Variants in SORCS3 observed in about 807,000 individuals in gnomAD.
The protein encoded by SORCS3 is sortilin related VPS10 domain containing receptor 3, also known as VPS10 domain-containing receptor SorCS3.
Under a neutral mutation model 146.3 loss-of-function variants are expected in SORCS3, and 57 were observed. That is an observed-to-expected ratio of 0.39 (90% CI 0.31 to 0.49). The LOEUF is 0.49. Among genes scored for constraint, SORCS3 ranks in the 20% least tolerant of loss-of-function variants. SORCS3 has a pLI of 0.92. For missense variants in SORCS3, 1,341 were observed against 1,575.5 expected, an observed-to-expected ratio of 0.85 and a Z score of 2.52; for synonymous variants, 653 against 618.5, an observed-to-expected ratio of 1.06 and a Z score of -0.83.
chr10:105,014,620 G>T (rs908675515), intron 4 of SORCS3, among the ~76,000 whole-genome samples: 2 of 152,140 alleles, frequency 1.3e-5, no homozygotes, highest in Admixed American at 1.3e-4. Context: ...GATTGCCAAA[G>T]GAGTGAATAG....
chr10:104,641,384 G>T lies in SORCS3; in HGVS notation c.57G>T (p.Arg19=), dbSNP rs1213811057. 7 of 1,439,666 alleles carry T rather than the reference G, an allele frequency of 4.9e-6. No individual in the cohort carries two copies. Among genetic ancestry groups the T allele is most frequent in the Non-Finnish European group, 6.4e-6 (7 of 1,099,908 alleles). The allele number at this position is 1,439,666 out of a possible 1,614,324, so 89.2% of individuals were successfully genotyped here. A position where few individuals can be genotyped will look rare whatever the true frequency, so the allele number is the denominator to read the frequency against. The change falls in exon 1 of 27, where the codon CGG becomes CGT. Residue 19 remains arginine, a synonymous_variant. Coordinates refer to ENST00000369701, the MANE Select transcript of SORCS3 (RefSeq NM_014978.3). The surrounding 1 kb of genome is among the most constrained non-coding windows in gnomAD (Gnocchi z 6.4). ...GCAGGCCGGGGGCGCCGCTTGTCCG[G>T]ACGGGGCTCCTACTCTTGTCGACGT... ...PAGRPGAPLV[R]TGLLLLSTWV... is the part of the protein sequence containing the mutation.
chr10:105,047,474 G>A (rs1459034435), intron 5 of SORCS3, among the ~76,000 whole-genome samples: 2 of 151,986 alleles, frequency 1.3e-5, no homozygotes, highest in Admixed American at 1.3e-4. Context: ...ATTGCTGCAG[G>A]AAATTGTGCT....
chr10:104,743,371 A>G (rs1305794143), intron 1 of SORCS3, among the ~76,000 whole-genome samples: 1 of 152,180 alleles, frequency 6.6e-6, no homozygotes, highest in Admixed American at 6.5e-5. Context: ...GCTAACAATC[A>G]TTCAGGAAAC....
Position 104,733,547 on chromosome 10 carries a change from A to G in SORCS3, c.627+91593A>G, listed in dbSNP as rs1027543221. Among the ~76,000 whole-genome samples the G allele has an allele frequency of 1.1e-4, 17 of 148,020 alleles. No individual in the cohort carries two copies. In the East Asian group the frequency reaches 1.8e-3, roughly 16 times the overall value. On this transcript the variant is annotated intron_variant, in intron 1 of 26. Coordinates refer to ENST00000369701, the MANE Select transcript of SORCS3 (RefSeq NM_014978.3). Reference sequence around the variant, plus strand: ...TTTTTTTTTTTTTTTTTTTGTAGAAATAAGGTCCCGCTATGTTGACCAAAC... The same window carrying G: ...TTTTTTTTTTTTTTTTTTTGTAGAAGTAAGGTCCCGCTATGTTGACCAAAC...
chr10:104,824,844 C>T (rs940944152), intron 1 of SORCS3, among the ~76,000 whole-genome samples: 5 of 152,276 alleles, frequency 3.3e-5, no homozygotes, highest in Non-Finnish European at 7.4e-5. Context: ...CAAGAGGGAG[C>T]ACTGCCCCTG....
intron 5 of SORCS3, among the ~76,000 whole-genome samples, chr10:105,057,270 A>G (rs776533784): frequency 2.6e-5 from 4 of 152,110 alleles, no homozygotes; most frequent in Non-Finnish European, 5.9e-5. Flanking sequence ...AGCTTTGTAT[A>G]TTGGACTTCT....
chr10:105,224,356 T>C (rs893646660), intron 20 of SORCS3, among the ~76,000 whole-genome samples: 6 of 152,216 alleles, frequency 3.9e-5, no homozygotes, highest in Non-Finnish European at 8.8e-5. Flanking sequence ...GTTTTCATAT[T>C]GGCTTCCTTC....
chr10:104,883,414 T>C (rs1266628157), intron 2 of SORCS3, among the ~76,000 whole-genome samples: 10 of 152,208 alleles, frequency 6.6e-5, no homozygotes, highest in African/African-American at 2.4e-4. Flanking sequence ...ATGAGAAGAT[T>C]AAGTGCCTTT....
At chr10:104,923,408 T>C (rs944052025) in intron 3 of SORCS3, among the ~76,000 whole-genome samples, 1 of 152,210 alleles carries the variant, frequency 6.6e-6, no homozygotes, top group African/African-American at 2.4e-5. Flanking sequence ...CCCTGTTACC[T>C]GGGCTATCTT....
intron 5 of SORCS3, among the ~76,000 whole-genome samples, chr10:105,088,832 CT>C (rs1480648700): frequency 3.3e-5 from 5 of 152,202 alleles, no homozygotes; most frequent in Admixed American, 6.5e-5. Flanking sequence ...ATTTTCAATT[CT>C]ACTTTCCATT....
At chr10:104,972,787 A>G (rs2054868695) in intron 3 of SORCS3, among the ~76,000 whole-genome samples, 1 of 152,086 alleles carries the variant, frequency 6.6e-6, no homozygotes, top group Admixed American at 6.6e-5. Context: ...TTCAAAGGGA[A>G]TGCTTCCAGT....
chr10:105,003,517 G>T (rs924165175), intron 4 of SORCS3, among the ~76,000 whole-genome samples: 1 of 152,108 alleles, frequency 6.6e-6, no homozygotes, highest in South Asian at 2.1e-4. Flanking sequence ...ATTAAATGGA[G>T]CCTAATTTGT....
intron 1 of SORCS3, among the ~76,000 whole-genome samples, chr10:104,785,589 A>AG (rs111776864): frequency 3.5e-5 from 4 of 113,442 alleles, no homozygotes; most frequent in African/African-American, 1.3e-4. Flanking sequence ...AAAAAAATAA[A>AG]TTAAAAAAAA....
At chr10:105,246,253 C>T (rs2056865567) in intron 21 of SORCS3, among the ~76,000 whole-genome samples, 2 of 152,204 alleles carry the variant, frequency 1.3e-5, no homozygotes, top group African/African-American at 4.8e-5. Context: ...AGTGCCTCTA[C>T]TGCCATTTCA....
intron 1 of SORCS3, among the ~76,000 whole-genome samples, chr10:104,682,002 G>A (rs1287310291): frequency 2.0e-5 from 3 of 152,102 alleles, no homozygotes; most frequent in African/African-American, 7.2e-5. Flanking sequence ...CCTGTCCTCT[G>A]GTGGGAATGC....
chr10:104,824,046 C>T (rs1159865966), intron 1 of SORCS3, among the ~76,000 whole-genome samples: 1 of 152,132 alleles, frequency 6.6e-6, no homozygotes, highest in African/African-American at 2.4e-5. Flanking sequence ...AGAAAAACAA[C>T]AGATTTTCCC....
chr10:105,252,965 C>G (rs1362500087), intron 23 of SORCS3, 59 bp downstream of exon 23: 1 of 1,570,392 alleles, frequency 6.4e-7, no homozygotes, highest in Admixed American at 2.0e-5. Context: ...TGAGAGGGCA[C>G]AAAGCTGTTT....
chr10:104,869,443 A>G (rs1226605181), intron 2 of SORCS3, among the ~76,000 whole-genome samples: 1 of 152,188 alleles, frequency 6.6e-6, no homozygotes, highest in African/African-American at 2.4e-5. Context: ...ACTCACATTG[A>G]AGAGGGCCAT....
chr10:105,095,618 A>G (rs1589630444), intron 6 of SORCS3, among the ~76,000 whole-genome samples: 1 of 152,060 alleles, frequency 6.6e-6, no homozygotes, highest in African/African-American at 2.4e-5. Flanking sequence ...AAGTGTGGGC[A>G]CCAGCAGCCA....
Sources: gnomAD v4.1 joint callset for allele counts (sites outside exome capture counted in the v4.1 genomes callset) on GRCh38, gnomAD v4.1.1 for gene constraint, Gnocchi (gnomAD v3.1) non-coding constraint, MANE v1.5 for transcripts, NCBI Gene and HGNC (gene_info 2026-07-23, HGNC 2026-07-21) for gene names.